RALYL: variants seen among roughly 807,000 people sequenced by gnomAD.
RALYL encodes the protein RALY RNA binding protein like, also known as RNA-binding Raly-like protein.
Under a neutral mutation model 35.1 loss-of-function variants are expected in RALYL, and 29 were observed. The ratio of observed to expected loss-of-function variants is 0.83; its 90% CI spans 0.61 to 1.13. The LOEUF (loss-of-function observed/expected upper bound fraction) is 1.13, where lower values mean the gene tolerates loss of function less well. Ranked by LOEUF, RALYL falls within the 50% of genes most tolerant of loss-of-function variation. RALYL has a pLI of 0.00. For synonymous variants in RALYL, 120 were observed against 127.6 expected, an observed-to-expected ratio of 0.94 and a Z score of 0.40; for missense variants, 359 against 360.4, an observed-to-expected ratio of 1.00 and a Z score of 0.03.
intron 1 of RALYL, among the ~76,000 whole-genome samples, chr8:84,417,470 A>G (rs987814698): frequency 6.6e-6 from 1 of 152,068 alleles, no homozygotes; most frequent in African/African-American, 2.4e-5. Context: ...TTGGGTTGCA[A>G]CTAAATTTGG....
At chr8:84,626,131 TAA>T (rs1399362816) in intron 2 of RALYL, among the ~76,000 whole-genome samples, 2 of 152,184 alleles carry the variant, frequency 1.3e-5, no homozygotes, top group East Asian at 1.9e-4. Flanking sequence ...AAAAATGAGA[TAA>T]GAGATAACAC....
intron 2 of RALYL, among the ~76,000 whole-genome samples, chr8:84,751,805 C>T (rs1231166794): frequency 1.3e-5 from 2 of 152,164 alleles, no homozygotes; most frequent in African/African-American, 4.8e-5. Context: ...GAAGCACATG[C>T]CAGTATCATG....
intron 1 of RALYL, among the ~76,000 whole-genome samples, chr8:84,459,794 A>T (rs1312623611): frequency 1.3e-5 from 2 of 151,766 alleles, no homozygotes; most frequent in African/African-American, 4.8e-5. Context: ...TCTGTTGGGA[A>T]ATGGCACTGA....
At chr8:84,697,883 T>A (rs937579268) in intron 2 of RALYL, among the ~76,000 whole-genome samples, 1 of 152,040 alleles carries the variant, frequency 6.6e-6, no homozygotes, top group Non-Finnish European at 1.5e-5. Context: ...CAGAATGCAT[T>A]CTCTATTGAA....
intron 2 of RALYL, among the ~76,000 whole-genome samples, chr8:84,572,886 C>A (rs971033427): frequency 6.6e-6 from 1 of 151,522 alleles, no homozygotes; most frequent in Admixed American, 6.6e-5. Flanking sequence ...CCAATCTTCT[C>A]AATAATTATT....
chr8:84,236,353 A>G (rs1826553098), intron 1 of RALYL, among the ~76,000 whole-genome samples: 1 of 152,148 alleles, frequency 6.6e-6, no homozygotes, highest in African/African-American at 2.4e-5. Context: ...GTGTAAGAAT[A>G]AAGTATTTTT....
intron 2 of RALYL, among the ~76,000 whole-genome samples, chr8:84,672,637 G>A (rs1833484897): frequency 6.6e-6 from 1 of 152,166 alleles, no homozygotes; most frequent in African/African-American, 2.4e-5. Flanking sequence ...TATAATCATG[G>A]CAGAAGGCAA....
intron 1 of RALYL, among the ~76,000 whole-genome samples, chr8:84,247,065 A>C (rs1265500170): frequency 6.6e-6 from 1 of 152,146 alleles, no homozygotes; most frequent in Non-Finnish European, 1.5e-5. Context: ...TCTGTTTTAT[A>C]GGGTTAGTGA....
At chr8:84,529,068 T>C (rs1484913014) in intron 1 of RALYL, among the ~76,000 whole-genome samples, 1 of 152,288 alleles carries the variant, frequency 6.6e-6, no homozygotes, top group South Asian at 2.1e-4. Context: ...CAAGAATCTT[T>C]ATAACTGAAT....
intron 2 of RALYL, among the ~76,000 whole-genome samples, chr8:84,539,846 ATATATATG>A (rs1481278376): frequency 0.087 from 1,165 of 13,376 alleles, 17 homozygotes; most frequent in East Asian, 0.22. Flanking sequence ...ATATATATAT[ATATATATG>A]TATATATATA....
chr8:84,249,019 C>T (rs889101963), intron 1 of RALYL, among the ~76,000 whole-genome samples: 12 of 151,830 alleles, frequency 7.9e-5, no homozygotes, highest in East Asian at 7.7e-4. Context: ...AGTCATGGAA[C>T]GAGCATTTCT....
intron 1 of RALYL, among the ~76,000 whole-genome samples, chr8:84,194,670 C>T (rs1270183543): frequency 6.6e-6 from 1 of 152,062 alleles, no homozygotes; most frequent in Non-Finnish European, 1.5e-5. Flanking sequence ...GCTATATTTA[C>T]TGCTAGTTCT....
chr8:84,681,634 ACT>A (rs890015088), intron 2 of RALYL, among the ~76,000 whole-genome samples: 5 of 151,328 alleles, frequency 3.3e-5, no homozygotes, highest in African/African-American at 1.2e-4. Flanking sequence ...TCATGATTTG[ACT>A]CTCTGTCTGT....
At chr8:84,841,932 C>G (rs1449040386) in intron 4 of RALYL, among the ~76,000 whole-genome samples, 1 of 152,114 alleles carries the variant, frequency 6.6e-6, no homozygotes, top group East Asian at 1.9e-4. Context: ...AGAACAAAGT[C>G]ACAACATACC....
intron 1 of RALYL, among the ~76,000 whole-genome samples, chr8:84,283,405 C>T (rs912898189): frequency 2.0e-5 from 3 of 152,124 alleles, no homozygotes; most frequent in African/African-American, 7.2e-5. Context: ...GGCAAAAGCT[C>T]TCTTTCACAT....
intron 2 of RALYL, among the ~76,000 whole-genome samples, chr8:84,662,109 CT>C (rs1209830728): frequency 6.6e-6 from 1 of 152,100 alleles, no homozygotes; most frequent in East Asian, 1.9e-4. Flanking sequence ...TTCTAGCTCC[CT>C]TAATATTCAT....
intron 3 of RALYL, among the ~76,000 whole-genome samples, chr8:84,780,750 C>T (rs1298892886): frequency 2.0e-5 from 3 of 152,082 alleles, no homozygotes; most frequent in Non-Finnish European, 4.4e-5. Context: ...ATTTAAGGAG[C>T]CTGCAACTAT....
chr8:84,495,754 C>T (rs555262602), intron 1 of RALYL, among the ~76,000 whole-genome samples: 3 of 151,972 alleles, frequency 2.0e-5, no homozygotes, highest in African/African-American at 7.2e-5. Flanking sequence ...ATTTTCTTTT[C>T]TGCTTATTTG....
intron 2 of RALYL, among the ~76,000 whole-genome samples, chr8:84,654,898 A>G (rs1263476632): frequency 6.6e-6 from 1 of 152,156 alleles, no homozygotes; most frequent in Non-Finnish European, 1.5e-5. Flanking sequence ...ACAAGAGAAT[A>G]CAGCTATCTC....
Sources: gnomAD v4.1 joint callset for allele counts (sites outside exome capture counted in the v4.1 genomes callset) on GRCh38, gnomAD v4.1.1 for gene constraint, MANE v1.5 for transcripts, NCBI Gene and HGNC (gene_info 2026-07-23, HGNC 2026-07-21) for gene names.